The following DST variants were observed in gnomAD, a reference collection of about 807,000 sequenced individuals.
DST encodes dystonin, also known as bullous pemphigoid antigen.
Under a neutral mutation model 875.2 loss-of-function variants are expected in DST, and 253 were observed. The observed-to-expected ratio is 0.29, with a 90% CI of 0.26 to 0.32. The LOEUF is 0.32. Among genes scored for constraint, DST ranks in the 10% least tolerant of loss-of-function variants. DST has a pLI of 1.00. For synonymous variants in DST, 3,124 were observed against 3,197.1 expected (o/e 0.98, Z 0.77); for missense variants, 8,287 against 9,111.6 (o/e 0.91, Z 3.68).
intron 89 of DST, 25 bp from the exon 90 acceptor site, chr6:56,482,203 C>CACACACACACACACACACACACA: frequency 1.3e-6 from 2 of 1,569,506 alleles, no homozygotes; most frequent in Non-Finnish European, 1.7e-6. Context: ...ACACACACAC[C>CACACACACACACACACACACACA]CCAAACAAAA....
At chr6:56,803,997 C>G (rs764288301) in intron 4 of DST, among the ~76,000 whole-genome samples, 2 of 152,152 alleles carry the variant, frequency 1.3e-5, no homozygotes, top group Admixed American at 1.3e-4. Context: ...TCCTCAATAC[C>G]AAACATATGA....
intron 49 of DST, among the ~76,000 whole-genome samples, chr6:56,589,413 A>G (rs1024036338): frequency 2.0e-5 from 3 of 152,250 alleles, no homozygotes; most frequent in Non-Finnish European, 2.9e-5. Flanking sequence ...TGTTAATTAC[A>G]GTATTCAAAT....
At chr6:56,562,877 T>C (rs1411448996) in intron 55 of DST, among the ~76,000 whole-genome samples, 1 of 152,156 alleles carries the variant, frequency 6.6e-6, no homozygotes, top group Non-Finnish European at 1.5e-5. Context: ...CTGAGAATGA[T>C]AGTTTCCAGC....
At chr6:56,946,258 C>G (rs1353082857) in intron 2 of DST, among the ~76,000 whole-genome samples, 1 of 152,038 alleles carries the variant, frequency 6.6e-6, no homozygotes, top group African/African-American at 2.4e-5. Context: ...CTGGATAGAT[C>G]AACTAAATTA....
At chr6:56,752,855 G>C (rs548790118) in intron 4 of DST, among the ~76,000 whole-genome samples, 1 of 152,090 alleles carries the variant, frequency 6.6e-6, no homozygotes, top group African/African-American at 2.4e-5. Flanking sequence ...GCAATGGCAC[G>C]ATCTCAGCTC....
intron 5 of DST, among the ~76,000 whole-genome samples, chr6:56,722,982 G>A (rs1413868401): frequency 6.6e-6 from 1 of 152,160 alleles, no homozygotes; most frequent in Non-Finnish European, 1.5e-5. Context: ...AAGAGAATAT[G>A]TTAGAAATGT....
At chr6:56,918,758 T>C (rs1802605125) in intron 2 of DST, among the ~76,000 whole-genome samples, 1 of 152,180 alleles carries the variant, frequency 6.6e-6, no homozygotes, top group Non-Finnish European at 1.5e-5. Context: ...AAAGGCATTT[T>C]GGCATGCACC....
intron 4 of DST, among the ~76,000 whole-genome samples, chr6:56,758,858 G>T (rs1358446233): frequency 6.6e-6 from 1 of 152,184 alleles, no homozygotes; most frequent in South Asian, 2.1e-4. Flanking sequence ...ACATAACCAT[G>T]AAAGTCATGT....
intron 3 of DST, among the ~76,000 whole-genome samples, chr6:56,870,431 CAAAAAAAAA>C (rs34119606): frequency 2.1e-4 from 11 of 51,370 alleles, no homozygotes; most frequent in African/African-American, 7.4e-4. Context: ...CTTGCAACTG[CAAAAAAAAA>C]AAAAAAAAAA....
chr6:56,632,653 A>C (rs1175349713), intron 28 of DST, among the ~76,000 whole-genome samples: 1 of 152,244 alleles, frequency 6.6e-6, no homozygotes, highest in Admixed American at 6.5e-5. Context: ...GGCACCTTTC[A>C]TTAATTTATC....
chr6:56,918,600 T>C (rs1802515048), intron 2 of DST, among the ~76,000 whole-genome samples: 1 of 152,196 alleles, frequency 6.6e-6, no homozygotes, highest in Non-Finnish European at 1.5e-5. Context: ...AGGAAAAAGT[T>C]TGAGAGATAC....
At chr6:56,610,292 T>A (rs2098534084) in intron 39 of DST, 135 bp downstream of exon 39, 1 of 656,834 alleles carries the variant, frequency 1.5e-6, no homozygotes, top group South Asian at 2.5e-5. Flanking sequence ...CTCCAAACAT[T>A]TAAATAAACT....
At chr6:56,562,353 A>G (rs1394388085) in intron 55 of DST, among the ~76,000 whole-genome samples, 153 bp from the exon 56 acceptor site, 1 of 152,058 alleles carries the variant, frequency 6.6e-6, no homozygotes, top group Non-Finnish European at 1.5e-5. Context: ...TGTAAATATC[A>G]AACAATATCC....
intron 50 of DST, among the ~76,000 whole-genome samples, chr6:56,575,126 T>C (rs2097845338): frequency 6.6e-6 from 1 of 152,082 alleles, no homozygotes; most frequent in Admixed American, 6.6e-5. Context: ...GCATTTAATA[T>C]GCACGAAAAT....
intron 4 of DST, among the ~76,000 whole-genome samples, chr6:56,752,980 G>A (rs1193135805): frequency 6.6e-6 from 1 of 151,772 alleles, no homozygotes; most frequent in African/African-American, 2.4e-5. Flanking sequence ...TAGTAGAGAC[G>A]GGGTTTCTCC....
chr6:56,795,075 A>G (rs572399096), intron 4 of DST, among the ~76,000 whole-genome samples: 1 of 152,188 alleles, frequency 6.6e-6, no homozygotes, highest in Admixed American at 6.5e-5. Context: ...CAAGTAACAG[A>G]TTTTCAAAAA....
intron 4 of DST, among the ~76,000 whole-genome samples, chr6:56,801,842 C>A (rs1458160583): frequency 1.3e-5 from 2 of 151,502 alleles, no homozygotes; most frequent in African/African-American, 2.4e-5. Flanking sequence ...CTCCACCTCC[C>A]GGGTTCAAGC....
intron 36 of DST, chr6:56,616,085 G>C: frequency 6.2e-7 from 1 of 1,614,182 alleles, no homozygotes; most frequent in Middle Eastern, 1.6e-4. Context: ...TTTTAGTACA[G>C]AGATCCTTTC....
intron 4 of DST, chr6:56,843,202 G>A (rs1313870283): frequency 5.5e-6 from 8 of 1,465,656 alleles, no homozygotes; most frequent in Middle Eastern, 1.8e-4. Context: ...CGTAACCCCC[G>A]GACAGTATCG....
Sources: gnomAD v4.1 joint callset for allele counts (sites outside exome capture counted in the v4.1 genomes callset) on GRCh38, gnomAD v4.1.1 for gene constraint, MANE v1.5 for transcripts, NCBI Gene and HGNC (gene_info 2026-07-23, HGNC 2026-07-21) for gene names.